BCAS3: variants seen among roughly 807,000 people sequenced by gnomAD.
The protein encoded by BCAS3 is BCAS3 microtubule associated cell migration factor, also known as BCAS4/BCAS3 fusion.
In BCAS3, 53 loss-of-function variants were observed where a neutral mutation model predicts 116.1. That is an observed-to-expected ratio of 0.46 (90% CI 0.37 to 0.57). The LOEUF (loss-of-function observed/expected upper bound fraction) is 0.57, where lower values mean the gene tolerates loss of function less well. BCAS3 is among the 20% of genes least tolerant of loss of function. BCAS3 has a pLI of 0.00. For synonymous variants in BCAS3, 391 were observed against 408.2 expected, an observed-to-expected ratio of 0.96 and a Z score of 0.51; for missense variants, 917 against 1,165.4, an observed-to-expected ratio of 0.79 and a Z score of 3.10.
chr17:61,146,138 A>C (rs1207881951), intron 22 of BCAS3, among the ~76,000 whole-genome samples: 1 of 141,552 alleles, frequency 7.1e-6, no homozygotes. Flanking sequence ...AGACAGTTTC[A>C]CGCTGTGGCC....
rs2051361326 is a variant in BCAS3 at position 61,282,934 on chromosome 17, T to C, written c.2426-85393T>C. Among the ~76,000 whole-genome samples the C allele has an allele frequency of 1.3e-5, 2 of 150,080 alleles. No homozygotes were observed. The highest frequency in any genetic ancestry group is 4.9e-5 in the African/African-American group (2 of 41,114). On this transcript the variant is annotated intron_variant, in intron 22 of 23. Transcript: ENST00000407086. This position sits in a 1 kb window ranked among gnomAD's most constrained non-coding sequence, Gnocchi z 5.9. ...AAAATATATATTTTCAATATATTTG[T>C]ATATTATATATAATACATATTTTAT...
chr17:61,016,665 C>T (rs2065476938), intron 16 of BCAS3, among the ~76,000 whole-genome samples: 1 of 152,152 alleles, frequency 6.6e-6, no homozygotes, highest in Non-Finnish European at 1.5e-5. Flanking sequence ...CCATAATGAG[C>T]AATCCTGAAG....
intron 22 of BCAS3, among the ~76,000 whole-genome samples, chr17:61,305,116 C>T (rs1312313751): frequency 1.3e-5 from 2 of 152,040 alleles, no homozygotes; most frequent in Non-Finnish European, 2.9e-5. Flanking sequence ...TAAATGTGAC[C>T]TTTTTTAGGA....
At chr17:60,779,114 A>G (rs571217304) in intron 6 of BCAS3, among the ~76,000 whole-genome samples, 2 of 152,202 alleles carry the variant, frequency 1.3e-5, no homozygotes, top group East Asian at 3.9e-4. Context: ...CCAAAATCCA[A>G]AATGCTCCAA....
chr17:61,239,105 T>A lies in BCAS3; in HGVS notation c.2426-129222T>A, dbSNP rs558227580. Among the ~76,000 whole-genome samples, 143 of 152,334 alleles carry A rather than the reference T, an allele frequency of 9.4e-4. No homozygotes were observed. Among genetic ancestry groups the A allele is most frequent in the African/African-American group, 3.4e-3 (142 of 41,574 alleles). ...CTAGGTGTGCCAGGTAGGTTGGCAT[T>A]CACAGTTCTCAGGAGACAATCAGGT... On this transcript the variant is annotated intron_variant, in intron 22 of 23. Coordinates refer to ENST00000407086, the MANE Select transcript of BCAS3 (RefSeq NM_017679.5). The surrounding 1 kb of genome is among the most constrained non-coding windows in gnomAD (Gnocchi z 4.2).
At position 61,084,496 on chromosome 17, in the gene BCAS3, G is replaced by A. The variant is rs1308198403; in HGVS notation, c.2357G>A (p.Ser786Asn). The change falls in exon 22 of 24, where the codon AGC becomes AAC. Residue 786 changes from serine (S) to asparagine (N), a missense_variant. By Grantham distance (46) the Ser-to-Asn change is conservative. This residue lies in a region of BCAS3 where 807 missense variants were observed against 1,026.0 expected (regional missense o/e 0.79). Transcript: ENST00000407086. The surrounding 1 kb of genome is among the most constrained non-coding windows in gnomAD (Gnocchi z 5.5). Reference sequence around the variant, plus strand: ...CAGCCAGTCCGCTCTGACCCCGTCAGCATGCCAGGGTCATCCCGTCCAGTC... The same window carrying A: ...CAGCCAGTCCGCTCTGACCCCGTCAACATGCCAGGGTCATCCCGTCCAGTC... Reference protein sequence around the residue: ...RIQPVRSDPVSMPGSSRPVSD... With the variant: ...RIQPVRSDPVNMPGSSRPVSD... 3 of 1,614,020 alleles carry A rather than the reference G, an allele frequency of 1.9e-6. No homozygotes were observed. Among genetic ancestry groups the A allele is most frequent in the Non-Finnish European group, 2.5e-6 (3 of 1,179,936 alleles).
intron 22 of BCAS3, among the ~76,000 whole-genome samples, chr17:61,268,730 G>A (rs1187965251): frequency 1.3e-5 from 2 of 151,850 alleles, no homozygotes; most frequent in Admixed American, 1.3e-4. Context: ...GCTAATTTTT[G>A]TATTTTGAGT....
At chr17:61,002,986 T>G (rs1286146221) in intron 15 of BCAS3, among the ~76,000 whole-genome samples, 1 of 151,998 alleles carries the variant, frequency 6.6e-6, no homozygotes, top group Non-Finnish European at 1.5e-5. Flanking sequence ...AAAATATAAT[T>G]TTATAGTGAA....
intron 22 of BCAS3, among the ~76,000 whole-genome samples, chr17:61,190,696 C>T (rs1304485925): frequency 1.8e-4 from 27 of 151,792 alleles, no homozygotes; most frequent in Admixed American, 1.2e-3. Context: ...CACCGACTCC[C>T]GGGTTCAAGC....
intron 16 of BCAS3, among the ~76,000 whole-genome samples, chr17:61,024,055 T>C (rs1048599908): frequency 1.3e-4 from 20 of 152,166 alleles, no homozygotes; most frequent in Non-Finnish European, 1.9e-4. Flanking sequence ...CTCACTTTAA[T>C]ACGAAACTAT....
At chr17:61,268,243 T>G (rs971111933) in intron 22 of BCAS3, among the ~76,000 whole-genome samples, 1 of 152,198 alleles carries the variant, frequency 6.6e-6, no homozygotes, top group Non-Finnish European at 1.5e-5. Context: ...AGACTCTGTG[T>G]TTAATGTATA....
At chr17:60,727,776 C>T (rs912982653) in intron 5 of BCAS3, among the ~76,000 whole-genome samples, 12 of 151,454 alleles carry the variant, frequency 7.9e-5, no homozygotes, top group African/African-American at 2.9e-4. Context: ...CCATAGCTTA[C>T]AGTAGGATTC....
At chr17:61,177,980 C>T (rs906627795) in intron 22 of BCAS3, among the ~76,000 whole-genome samples, 68 of 152,212 alleles carry the variant, frequency 4.5e-4, no homozygotes, top group African/African-American at 1.2e-3. Context: ...AATGGGTAAT[C>T]TTTTGTCCTA....
chr17:61,311,279 C>T (rs770941245), intron 22 of BCAS3, among the ~76,000 whole-genome samples: 1 of 152,172 alleles, frequency 6.6e-6, no homozygotes, highest in Non-Finnish European at 1.5e-5. Context: ...CATATCAGCA[C>T]ATGTAGATGT....
At chr17:60,877,357 GTC>G (rs2055713694) in intron 9 of BCAS3, among the ~76,000 whole-genome samples, 1 of 152,102 alleles carries the variant, frequency 6.6e-6, no homozygotes, top group Admixed American at 6.6e-5. Flanking sequence ...TATCTCTCCT[GTC>G]TATCTCTAAA....
chr17:61,051,985 GA>G lies in BCAS3; in HGVS notation c.2029+11096del, dbSNP rs1330845895. Among the ~76,000 whole-genome samples, 2 of 152,052 alleles carry G rather than the reference GA, an allele frequency of 1.3e-5. No individual in the cohort carries two copies. Among genetic ancestry groups the G allele is most frequent in the Non-Finnish European group, 2.9e-5 (2 of 67,998 alleles). On this transcript the variant is annotated intron_variant, in intron 19 of 23. Coordinates refer to ENST00000407086, the MANE Select transcript of BCAS3 (RefSeq NM_017679.5). This position sits in a 1 kb window ranked among gnomAD's most constrained non-coding sequence, Gnocchi z 4.1. The stretch of plus-strand genomic sequence containing the variant: ...AAAAAGATCAGAGTATAAAATCAGT[GA>G]AACAGAAAACATAAAAACAATAGAG...
intron 9 of BCAS3, among the ~76,000 whole-genome samples, chr17:60,876,320 G>T (rs1300577539): frequency 6.6e-6 from 1 of 151,858 alleles, no homozygotes. Flanking sequence ...CATTCTGTTG[G>T]AGGTACATTT....
intron 5 of BCAS3, among the ~76,000 whole-genome samples, chr17:60,715,113 T>C (rs2038414688): frequency 6.6e-6 from 1 of 151,706 alleles, no homozygotes; most frequent in African/African-American, 2.4e-5. Context: ...ACAAATGAAG[T>C]TCTGTACTCT....
chr17:61,014,243 A>G (rs2065294282), intron 15 of BCAS3, among the ~76,000 whole-genome samples: 3 of 152,130 alleles, frequency 2.0e-5, no homozygotes, highest in Non-Finnish European at 4.4e-5. Context: ...TTGTTGGATT[A>G]CAGGCACTGG....
Sources: allele counts gnomAD v4.1 joint callset (sites outside exome capture counted in the v4.1 genomes callset), GRCh38; gene constraint gnomAD v4.1.1; regional missense constraint gnomAD v4.1.1; non-coding constraint Gnocchi (gnomAD v3.1); transcripts MANE v1.5; gene names NCBI Gene and HGNC (gene_info 2026-07-23, HGNC 2026-07-21).